Variants in ARMH3 observed in about 807,000 individuals in gnomAD.
ARMH3 encodes the protein armadillo like helical domain containing 3, also known as armadillo-like helical domain-containing protein 3.
In ARMH3, 60 loss-of-function variants were observed where a neutral mutation model predicts 99.1. The observed-to-expected ratio is 0.61, with a 90% CI of 0.49 to 0.75. The LOEUF is 0.75. ARMH3 is among the 30% of genes least tolerant of loss of function. ARMH3 has a pLI of 0.00. For missense variants in ARMH3, 679 were observed against 843.1 expected (o/e 0.81, Z 2.41); for synonymous variants, 285 against 292.8 (o/e 0.97, Z 0.27).
chr10:101,985,112 C>T (rs1214094547), intron 19 of ARMH3, among the ~76,000 whole-genome samples: 4 of 145,338 alleles, frequency 2.8e-5, no homozygotes, highest in South Asian at 2.2e-4. Flanking sequence ...CACACACACA[C>T]GTGTACATAT....
At chr10:101,913,422 G>A (rs1218041417) in intron 23 of ARMH3, 1 of 140,952 alleles carries the variant, frequency 7.1e-6, no homozygotes, top group Non-Finnish European at 1.5e-5. Flanking sequence ...CTGGAATGCA[G>A]TGGTGCCACC....
At position 102,021,996 on chromosome 10, in the gene ARMH3, T is replaced by A. The variant is rs778636326; in HGVS notation, c.669+1481A>T. Among the ~76,000 whole-genome samples, 9 of 152,164 alleles carry A rather than the reference T, an allele frequency of 5.9e-5. 1 individual carries two copies. The South Asian group carries it at 8.3e-4, about 14-fold the overall frequency. On this transcript the variant is annotated intron_variant, in intron 8 of 25. Coordinates refer to ENST00000370033, the MANE Select transcript of ARMH3 (RefSeq NM_024541.3). The stretch of plus-strand genomic sequence containing the variant: ...TGAATCACCATGCCCAGCCTAGATA[T>A]GCTTAAATACATAAATAATTACTAT...
At chr10:101,897,084 C>T (rs1192559193) in intron 23 of ARMH3, among the ~76,000 whole-genome samples, 2 of 152,016 alleles carry the variant, frequency 1.3e-5, no homozygotes, top group Non-Finnish European at 2.9e-5. Context: ...ATTTTTCCAG[C>T]AATAGTTGGA....
At chr10:102,039,678 G>A (rs924954000) in intron 2 of ARMH3, among the ~76,000 whole-genome samples, 3 of 152,118 alleles carry the variant, frequency 2.0e-5, no homozygotes, top group African/African-American at 4.8e-5. Flanking sequence ...AGACATCTAG[G>A]ATAAGATAGC....
chr10:101,916,974 C>T (rs1452553049), intron 23 of ARMH3, among the ~76,000 whole-genome samples: 1 of 152,192 alleles, frequency 6.6e-6, no homozygotes, highest in African/African-American at 2.4e-5. Flanking sequence ...GTCCTTCAAC[C>T]TTTAATTGGA....
intron 22 of ARMH3, among the ~76,000 whole-genome samples, chr10:101,953,107 C>T (rs1157814228): frequency 6.6e-6 from 1 of 152,092 alleles, no homozygotes; most frequent in Non-Finnish European, 1.5e-5. Flanking sequence ...GTGAATGGTG[C>T]TATTATAAAC....
intron 24 of ARMH3, among the ~76,000 whole-genome samples, chr10:101,860,267 G>T (rs1182536400): frequency 2.0e-5 from 3 of 152,122 alleles, no homozygotes; most frequent in South Asian, 2.1e-4. Context: ...TAGATATATA[G>T]ATATAGATGA....
intron 24 of ARMH3, among the ~76,000 whole-genome samples, chr10:101,880,740 CA>C (rs2067394530): frequency 6.6e-6 from 1 of 152,270 alleles, no homozygotes; most frequent in African/African-American, 2.4e-5. Flanking sequence ...CCATTTTCCT[CA>C]TAAGTCTTTG....
At chr10:101,879,309 A>C (rs2067350565) in intron 24 of ARMH3, among the ~76,000 whole-genome samples, 1 of 152,062 alleles carries the variant, frequency 6.6e-6, no homozygotes, top group South Asian at 2.1e-4. Flanking sequence ...TAGTGTACTC[A>C]TCTATAAAAT....
At chr10:101,944,258 A>ATATTTATATT (rs1330886423) in intron 22 of ARMH3, among the ~76,000 whole-genome samples, 1 of 66,052 alleles carries the variant, frequency 1.5e-5, no homozygotes, top group African/African-American at 7.1e-5. Flanking sequence ...ATATATATAT[A>ATATTTATATT]TATATATATA....
At chr10:101,875,143 T>C (rs1474567173) in intron 24 of ARMH3, among the ~76,000 whole-genome samples, 1 of 152,158 alleles carries the variant, frequency 6.6e-6, no homozygotes, top group Non-Finnish European at 1.5e-5. Flanking sequence ...AAGCTGAGAA[T>C]TCTTAGACCA....
At chr10:102,000,984 T>C (rs1053068817) in intron 15 of ARMH3, among the ~76,000 whole-genome samples, 1 of 151,988 alleles carries the variant, frequency 6.6e-6, no homozygotes. Flanking sequence ...GGCCGGCTAA[T>C]TTTTGTATTT....
intron 19 of ARMH3, among the ~76,000 whole-genome samples, chr10:101,990,018 G>A (rs1421963297): frequency 1.3e-5 from 2 of 152,156 alleles, no homozygotes; most frequent in African/African-American, 4.8e-5. Context: ...TTCATGCAGT[G>A]TGCCTAGAAG....
intron 1 of ARMH3, among the ~76,000 whole-genome samples, chr10:102,047,534 T>A (rs893546958): frequency 1.3e-5 from 2 of 151,718 alleles, no homozygotes; most frequent in South Asian, 4.2e-4. Flanking sequence ...TCACCCAGGC[T>A]GGGGTGCAGT....
Position 101,847,464 on chromosome 10 carries a change from T to TC in ARMH3, c.*63dup. Reference sequence around the variant, plus strand: ...CGGGGGCAGCCCCCTCTCCCCTCGCTCCCCCTCCAGCCCATGATCCTCATG... The same window carrying TC: ...CGGGGGCAGCCCCCTCTCCCCTCGCTCCCCCCTCCAGCCCATGATCCTCATG... On this transcript the variant is annotated 3_prime_UTR_variant, in exon 26 of 26. Coordinates refer to ENST00000370033, the MANE Select transcript of ARMH3 (RefSeq NM_024541.3). 5.3e-6 allele frequency: 8 copies of TC among 1,521,836 alleles called. No individual in the cohort carries two copies. The highest frequency in any genetic ancestry group is 7.3e-6 in the Non-Finnish European group (8 of 1,098,234). The allele number at this position is 1,521,836 out of a possible 1,614,324, so 94.3% of individuals were successfully genotyped here.
At chr10:101,863,793 C>A (rs1386677672) in intron 24 of ARMH3, among the ~76,000 whole-genome samples, 1 of 151,640 alleles carries the variant, frequency 6.6e-6, no homozygotes, top group Non-Finnish European at 1.5e-5. Flanking sequence ...CCAGGCACAG[C>A]GGCTCACACC....
At chr10:102,019,754 C>G (rs1014893259) in intron 8 of ARMH3, among the ~76,000 whole-genome samples, 1 of 151,542 alleles carries the variant, frequency 6.6e-6, no homozygotes, top group Non-Finnish European at 1.5e-5. Context: ...GGTGAAACCC[C>G]GTCTCTACTA....
chr10:101,892,173 A>T (rs1164412335), intron 23 of ARMH3, among the ~76,000 whole-genome samples: 1 of 150,716 alleles, frequency 6.6e-6, no homozygotes, highest in African/African-American at 2.4e-5. Context: ...GGCTGGGTGC[A>T]GTGGCTCACA....
intron 23 of ARMH3, among the ~76,000 whole-genome samples, chr10:101,936,491 CAAAAAAAAAA>C (rs202009727): frequency 3.9e-4 from 22 of 56,082 alleles, no homozygotes; most frequent in Non-Finnish European, 7.7e-4. Flanking sequence ...GACTCTGTCT[CAAAAAAAAAA>C]AAAAAAAGAA....
Sources: allele counts gnomAD v4.1 joint callset (sites outside exome capture counted in the v4.1 genomes callset), GRCh38; gene constraint gnomAD v4.1.1; transcripts MANE v1.5; gene names NCBI Gene and HGNC (gene_info 2026-07-23, HGNC 2026-07-21).